Variants in TBCA observed in about 807,000 individuals in gnomAD.
TBCA encodes the protein tubulin folding cofactor A.
TBCA carries 6 observed loss-of-function variants against 15.8 expected under a neutral mutation model. That is an observed-to-expected ratio of 0.38 (90% CI 0.21 to 0.75). The LOEUF is 0.75. Among genes scored for constraint, TBCA ranks in the 30% least tolerant of loss-of-function variants. The probability of loss-of-function intolerance (pLI) is 0.46; values close to 1 mark genes in which losing one functional copy is unlikely to be tolerated. For synonymous variants in TBCA, 32 were observed against 42.3 expected (o/e 0.76, Z 0.94); for missense variants, 90 against 131.2 (o/e 0.69, Z 1.53).
chr5:77,730,913 T>C (rs1310110713), intron 1 of TBCA, among the ~76,000 whole-genome samples: 1 of 152,220 alleles, frequency 6.6e-6, no homozygotes, highest in Non-Finnish European at 1.5e-5. Flanking sequence ...TTAATAACAA[T>C]ATAGTGTTTC....
At chr5:77,726,454 T>C (rs962327899) in intron 1 of TBCA, among the ~76,000 whole-genome samples, 4 of 152,150 alleles carry the variant, frequency 2.6e-5, no homozygotes, top group East Asian at 1.9e-4. Flanking sequence ...AGGAGAAAAA[T>C]AGTTGAACAA....
At chr5:77,757,692 C>G (rs1284424545) in intron 1 of TBCA, among the ~76,000 whole-genome samples, 2 of 152,290 alleles carry the variant, frequency 1.3e-5, no homozygotes, top group East Asian at 3.9e-4. Context: ...CTCAGAATCC[C>G]TCCCGTGGTT....
At chr5:77,701,620 C>T (rs1300921527) in intron 2 of TBCA, among the ~76,000 whole-genome samples, 2 of 144,972 alleles carry the variant, frequency 1.4e-5, no homozygotes, top group African/African-American at 5.1e-5. Flanking sequence ...CAATTCACAA[C>T]TGCAAAAATG....
chr5:77,760,539 C>A (rs948085506), intron 1 of TBCA, among the ~76,000 whole-genome samples: 6 of 152,194 alleles, frequency 3.9e-5, no homozygotes, highest in Admixed American at 1.3e-4. Context: ...TCTCCTGCCT[C>A]GGCCTGCCGA....
intron 1 of TBCA, among the ~76,000 whole-genome samples, chr5:77,735,150 T>G (rs969279146): frequency 6.6e-6 from 1 of 152,206 alleles, no homozygotes; most frequent in Non-Finnish European, 1.5e-5. Context: ...CCAAGGTACC[T>G]GTATCTAGAT....
chr5:77,760,599 T>C (rs1233326422), intron 1 of TBCA, among the ~76,000 whole-genome samples: 1 of 152,150 alleles, frequency 6.6e-6, no homozygotes, highest in Non-Finnish European at 1.5e-5. Flanking sequence ...GTTTTTGTAT[T>C]TTTGGTGGAA....
rs1193223688 is a variant in TBCA, at chr5:77,697,138, T to C, written c.160-3786A>G. On this transcript the variant is annotated intron_variant, in intron 2 of 3. Transcript: ENST00000380377. Reference sequence around the variant, plus strand: ...CTGAAAGGAAAAACAGACAAATCCATATACATAAGCTGGGGATTTCAATAC... The same window carrying C: ...CTGAAAGGAAAAACAGACAAATCCACATACATAAGCTGGGGATTTCAATAC... Among the ~76,000 whole-genome samples the C allele has an allele frequency of 2.0e-5, 3 of 152,254 alleles. No homozygotes were observed. In the East Asian group the frequency reaches 5.8e-4, roughly 29 times the overall value.
intron 1 of TBCA, among the ~76,000 whole-genome samples, chr5:77,709,751 G>A (rs116583005): frequency 2.6e-5 from 4 of 152,226 alleles, no homozygotes; most frequent in Non-Finnish European, 5.9e-5. Context: ...GCAACATTAT[G>A]CAAGACAGGC....
At chr5:77,760,313 T>C (rs1747582171) in intron 1 of TBCA, among the ~76,000 whole-genome samples, 1 of 152,236 alleles carries the variant, frequency 6.6e-6, no homozygotes, top group African/African-American at 2.4e-5. Context: ...CTTTATGTTA[T>C]ACATAGGTAT....
chr5:77,707,340 T>C (rs917648369), intron 2 of TBCA, among the ~76,000 whole-genome samples: 2 of 152,068 alleles, frequency 1.3e-5, no homozygotes, highest in Non-Finnish European at 2.9e-5. Flanking sequence ...TATGCTATCA[T>C]GGGAATAAAG....
intron 1 of TBCA, among the ~76,000 whole-genome samples, chr5:77,722,482 C>G (rs1032919647): frequency 6.6e-6 from 1 of 151,882 alleles, no homozygotes; most frequent in Non-Finnish European, 1.5e-5. Context: ...TTTGGAAATA[C>G]CAAATTCCAA....
chr5:77,711,755 C>G (rs2112443456), intron 1 of TBCA, among the ~76,000 whole-genome samples: 1 of 152,286 alleles, frequency 6.6e-6, no homozygotes, highest in Middle Eastern at 3.4e-3. Context: ...AGTCATCCTA[C>G]TTCATTGTGC....
At chr5:77,746,605 G>A (rs1004998130) in intron 1 of TBCA, among the ~76,000 whole-genome samples, 4 of 152,028 alleles carry the variant, frequency 2.6e-5, no homozygotes, top group African/African-American at 9.7e-5. Context: ...AACACAAACT[G>A]TACAAAACAG....
At chr5:77,749,436 C>T (rs1747263824) in intron 1 of TBCA, among the ~76,000 whole-genome samples, 1 of 152,160 alleles carries the variant, frequency 6.6e-6, no homozygotes, top group Non-Finnish European at 1.5e-5. Context: ...CAGATGTGTG[C>T]ATATTTTATG....
chr5:77,735,880 A>G (rs1209703060), intron 1 of TBCA, among the ~76,000 whole-genome samples: 1 of 152,220 alleles, frequency 6.6e-6, no homozygotes, highest in Non-Finnish European at 1.5e-5. Flanking sequence ...ACAAAACAAA[A>G]TAAAACAAAT....
chr5:77,737,528 T>G (rs1746938604), intron 1 of TBCA, among the ~76,000 whole-genome samples: 1 of 152,180 alleles, frequency 6.6e-6, no homozygotes, highest in Non-Finnish European at 1.5e-5. Context: ...TAGTTCCAAC[T>G]CAACTACTTT....
intron 1 of TBCA, among the ~76,000 whole-genome samples, chr5:77,775,939 G>A (rs1039224643): frequency 6.6e-6 from 1 of 152,172 alleles, no homozygotes; most frequent in Non-Finnish European, 1.5e-5. Flanking sequence ...CGCGGGCGCC[G>A]AGAAACCGGG....
chr5:77,738,020 C>T (rs1580119002), intron 1 of TBCA, among the ~76,000 whole-genome samples: 1 of 152,126 alleles, frequency 6.6e-6, no homozygotes, highest in Non-Finnish European at 1.5e-5. Context: ...ACAAGAAAAC[C>T]CCATATATCT....
chr5:77,774,440 G>A (rs1471770581), intron 1 of TBCA, among the ~76,000 whole-genome samples: 2 of 152,040 alleles, frequency 1.3e-5, no homozygotes, highest in African/African-American at 2.4e-5. Context: ...CCTGCTACCT[G>A]GAGGCTTCAT....
Sources: allele counts gnomAD v4.1 joint callset (sites outside exome capture counted in the v4.1 genomes callset), GRCh38; gene constraint gnomAD v4.1.1; transcripts MANE v1.5; gene names NCBI Gene and HGNC (gene_info 2026-07-23, HGNC 2026-07-21).